Variants in FARS2 observed in about 807,000 individuals in gnomAD.
FARS2 encodes the protein phenylalanine--tRNA ligase, mitochondrial.
FARS2 carries 40 observed loss-of-function variants against 46.4 expected under a neutral mutation model. The ratio of observed to expected loss-of-function variants is 0.86; its 90% CI spans 0.67 to 1.12. FARS2 has a LOEUF of 1.12. FARS2 is among the 50% of genes most tolerant of loss of function. The pLI is 0.00. For missense variants in FARS2, 513 were observed against 567.9 expected, an observed-to-expected ratio of 0.90 and a Z score of 0.98; for synonymous variants, 234 against 214.9, an observed-to-expected ratio of 1.09 and a Z score of -0.78.
chr6:5,732,406 C>A (rs1760693184), intron 6 of FARS2, among the ~76,000 whole-genome samples: 1 of 152,144 alleles, frequency 6.6e-6, no homozygotes, highest in Non-Finnish European at 1.5e-5. Flanking sequence ...TCGGGCCTGG[C>A]ACGTAGCAAG....
chr6:5,361,493 C>T (rs1758297827), intron 1 of FARS2, among the ~76,000 whole-genome samples: 2 of 152,218 alleles, frequency 1.3e-5, no homozygotes, highest in Admixed American at 6.5e-5. Flanking sequence ...GAATTGCTTT[C>T]TAGAAAGGTT....
At chr6:5,528,610 G>A (rs1582362559) in intron 4 of FARS2, among the ~76,000 whole-genome samples, 1 of 152,302 alleles carries the variant, frequency 6.6e-6, no homozygotes, top group South Asian at 2.1e-4. Flanking sequence ...CTGACTCAGT[G>A]GCAGTCCTAG....
intron 4 of FARS2, among the ~76,000 whole-genome samples, chr6:5,531,041 G>A (rs1769794928): frequency 6.6e-6 from 1 of 151,934 alleles, no homozygotes; most frequent in African/African-American, 2.4e-5. Context: ...TGCAGCTCCA[G>A]GCATTATATT....
At chr6:5,645,558 C>T (rs371591530) in intron 6 of FARS2, among the ~76,000 whole-genome samples, 3 of 152,156 alleles carry the variant, frequency 2.0e-5, no homozygotes, top group East Asian at 1.9e-4. Flanking sequence ...TTCAGGGCCA[C>T]GTAGCCATTT....
At chr6:5,415,310 CTTTT>C (rs773981175) in intron 3 of FARS2, among the ~76,000 whole-genome samples, 4 of 53,640 alleles carry the variant, frequency 7.5e-5, no homozygotes, top group Non-Finnish European at 1.1e-4. Flanking sequence ...CTTTTCTTTT[CTTTT>C]TTTTTTTTTT....
Position 5,624,823 on chromosome 6 carries a change from C to T in FARS2, c.1217+11503C>T, listed in dbSNP as rs538558630. Among the ~76,000 whole-genome samples, 113 of 151,820 alleles carry T rather than the reference C, an allele frequency of 7.4e-4. 2 individuals carry two copies. Among genetic ancestry groups the T allele is most frequent in the Non-Finnish European group, 9.7e-4 (66 of 67,922 alleles). On this transcript the variant is annotated intron_variant, in intron 6 of 6. Transcript: ENST00000274680. ...GCAGAAATGGGGTAGGGTGGGGCGG[C>T]CCCGCCCCCGCCCCCTCATTTTGGG...
At chr6:5,530,779 G>A (rs1027068019) in intron 4 of FARS2, among the ~76,000 whole-genome samples, 3 of 144,366 alleles carry the variant, frequency 2.1e-5, no homozygotes, top group Admixed American at 6.9e-5. Flanking sequence ...TTCATATATT[G>A]TATAATATAG....
At chr6:5,456,569 T>G (rs1181796961) in intron 4 of FARS2, among the ~76,000 whole-genome samples, 3 of 151,618 alleles carry the variant, frequency 2.0e-5, no homozygotes, top group African/African-American at 7.3e-5. Flanking sequence ...CCACCTCTAC[T>G]AAAAGCACAA....
intron 1 of FARS2, among the ~76,000 whole-genome samples, chr6:5,291,705 C>T (rs1289196238): frequency 6.6e-6 from 1 of 151,590 alleles, no homozygotes. Context: ...CTAAAGTGAG[C>T]TGTGATTGAG....
chr6:5,470,888 T>A (rs1765772104), intron 4 of FARS2, among the ~76,000 whole-genome samples: 1 of 152,220 alleles, frequency 6.6e-6, no homozygotes, highest in Admixed American at 6.5e-5. Flanking sequence ...GATACAAAAT[T>A]GAGCACTCTG....
chr6:5,717,351 ATGTGTGTGTGTGTGTG>A (rs58875741), intron 6 of FARS2, among the ~76,000 whole-genome samples: 3 of 141,636 alleles, frequency 2.1e-5, no homozygotes, highest in African/African-American at 5.3e-5. Context: ...AGATATGTAT[ATGTGTGTGTGTGTGTG>A]TGTGTGTGTG....
intron 4 of FARS2, among the ~76,000 whole-genome samples, chr6:5,435,969 A>G (rs1763497856): frequency 6.6e-6 from 1 of 152,222 alleles, no homozygotes; most frequent in Admixed American, 6.5e-5. Flanking sequence ...TGGCTTGCTT[A>G]TCAAATATTT....
intron 1 of FARS2, among the ~76,000 whole-genome samples, chr6:5,330,373 A>C (rs1770716617): frequency 6.6e-6 from 1 of 152,076 alleles, no homozygotes; most frequent in African/African-American, 2.4e-5. Context: ...GGTGTAGCGT[A>C]TGCTGCTTCT....
At chr6:5,555,584 CTT>C (rs1251399442) in intron 5 of FARS2, among the ~76,000 whole-genome samples, 1 of 152,130 alleles carries the variant, frequency 6.6e-6, no homozygotes, top group Non-Finnish European at 1.5e-5. Flanking sequence ...CTAATAGAGA[CTT>C]AATGTGGGAT....
intron 6 of FARS2, among the ~76,000 whole-genome samples, chr6:5,736,668 AT>A (rs1019896692): frequency 4.0e-5 from 6 of 150,494 alleles, no homozygotes; most frequent in South Asian, 2.1e-4. Flanking sequence ...ACCTTAAGGG[AT>A]TTTTTTTTTT....
intron 6 of FARS2, among the ~76,000 whole-genome samples, chr6:5,759,394 C>T (rs930421266): frequency 2.1e-4 from 32 of 152,118 alleles, no homozygotes; most frequent in Non-Finnish European, 3.5e-4. Context: ...TTAACTAATG[C>T]GTGTCTCCTA....
intron 6 of FARS2, among the ~76,000 whole-genome samples, chr6:5,678,904 T>C (rs1778893707): frequency 6.6e-6 from 1 of 152,222 alleles, no homozygotes; most frequent in Non-Finnish European, 1.5e-5. Flanking sequence ...GCTGACCGAA[T>C]GCGGAAATAC....
chr6:5,496,387 G>A (rs2150371316), intron 4 of FARS2, among the ~76,000 whole-genome samples: 2 of 152,260 alleles, frequency 1.3e-5, no homozygotes, highest in South Asian at 2.1e-4. Flanking sequence ...AGGAGCTTTG[G>A]GAAATTAGTG....
intron 6 of FARS2, among the ~76,000 whole-genome samples, chr6:5,671,778 A>G (rs745670930): frequency 3.9e-5 from 6 of 152,178 alleles, no homozygotes; most frequent in Non-Finnish European, 5.9e-5. Flanking sequence ...GGCTTGCTCT[A>G]CCAAAGATGT....
Sources: allele counts gnomAD v4.1 joint callset (sites outside exome capture counted in the v4.1 genomes callset), GRCh38; gene constraint gnomAD v4.1.1; transcripts MANE v1.5; gene names NCBI Gene and HGNC (gene_info 2026-07-23, HGNC 2026-07-21).